Variants in SIRT4 observed in about 807,000 individuals in gnomAD.
SIRT4 encodes the protein NAD-dependent protein lipoamidase sirtuin-4, mitochondrial.
SIRT4 carries 23 observed loss-of-function variants against 26.1 expected under a neutral mutation model. The ratio of observed to expected loss-of-function variants is 0.88; its 90% CI spans 0.63 to 1.25. The LOEUF (loss-of-function observed/expected upper bound fraction) is 1.25. Ranked by LOEUF, SIRT4 falls within the 50% of genes most tolerant of loss-of-function variation. SIRT4 has a pLI of 0.00. For synonymous variants in SIRT4, 155 were observed against 158.4 expected (o/e 0.98, Z 0.16); for missense variants, 361 against 405.4 (o/e 0.89, Z 0.94).
At chr12:120,310,058 C>A (rs761342568) in intron 2 of SIRT4, among the ~76,000 whole-genome samples, 1 of 151,786 alleles carries the variant, frequency 6.6e-6, no homozygotes, top group Non-Finnish European at 1.5e-5. Context: ...GTTCTGACAC[C>A]CAGGCTAGAG....
rs1872701166 is a variant in SIRT4 at position 120,305,082 on chromosome 12, A to T, written c.497+1024A>T. Among the ~76,000 whole-genome samples the T allele has an allele frequency of 2.6e-5, 4 of 151,390 alleles. No homozygotes were observed. In the East Asian group the frequency reaches 7.8e-4, roughly 29 times the overall value. On this transcript the variant is annotated intron_variant, in intron 2 of 3. Coordinates refer to ENST00000202967, the MANE Select transcript of SIRT4 (RefSeq NM_012240.3). Reference sequence around the variant, plus strand: ...GGCAGGAGAATCGCTTGAACCTGGGAGGTAGAGGTTGCAGTGAGCTGAGAT... The same window carrying T: ...GGCAGGAGAATCGCTTGAACCTGGGTGGTAGAGGTTGCAGTGAGCTGAGAT...
At chr12:120,309,291 C>T (rs1161298568) in intron 2 of SIRT4, among the ~76,000 whole-genome samples, 2 of 152,100 alleles carry the variant, frequency 1.3e-5, no homozygotes, top group African/African-American at 4.8e-5. Context: ...CATATACCAT[C>T]ACCCAGATTC....
At chr12:120,295,632 T>A in the SIRT4 span, among the ~76,000 whole-genome samples, 1 of 151,698 alleles carries the variant, frequency 6.6e-6, no homozygotes, top group East Asian at 1.9e-4. Context: ...TCAAAAGGGT[T>A]TGGACACCTT....
rs201604619 is a variant in SIRT4, at chr12:120,304,014, G to A, written c.453G>A (p.Lys151=). ...AAAATGTGGATGCTTTGCACACCAA[G>A]GCGGGGAGTCGGCGCCTGACAGAGC... The part of the protein sequence containing the change: ...VTQNVDALHT[K]AGSRRLTELH... Residue 151 remains lysine, a synonymous_variant, in exon 2 of 4, where the codon AAG becomes AAA. Transcript: ENST00000202967. 352 of 1,612,908 alleles carry A rather than the reference G, an allele frequency of 2.2e-4. No individual in the cohort carries two copies. The Middle Eastern group carries it at 2.5e-3, about 11-fold the overall frequency.
chr12:120,292,058 C>A, the SIRT4 span, among the ~76,000 whole-genome samples: 1 of 152,218 alleles, frequency 6.6e-6, no homozygotes, highest in East Asian at 1.9e-4. Flanking sequence ...GTTGTTGGAA[C>A]ATCCCGTGTC....
At chr12:120,293,404 A>T in the SIRT4 span, among the ~76,000 whole-genome samples, 1 of 152,158 alleles carries the variant, frequency 6.6e-6, no homozygotes, top group Non-Finnish European at 1.5e-5. Flanking sequence ...ATCGTTGCTG[A>T]TTTCACTTAG....
intron 2 of SIRT4, among the ~76,000 whole-genome samples, chr12:120,309,393 C>A (rs1372093727): frequency 2.0e-5 from 3 of 151,230 alleles, no homozygotes; most frequent in Admixed American, 1.3e-4. Context: ...TGACATTTCA[C>A]AGGGGCCTTT....
chr12:120,297,154 C>T, the SIRT4 span, among the ~76,000 whole-genome samples: 424 of 151,972 alleles, frequency 2.8e-3, 2 homozygotes, highest in African/African-American at 9.7e-3. Context: ...ACCCGGTAGG[C>T]GGAGGTTGCA....
At chr12:120,292,995 T>C in the SIRT4 span, 1 of 152,080 alleles carries the variant, frequency 6.6e-6, no homozygotes, top group Admixed American at 6.6e-5. Flanking sequence ...TCCCCATCTC[T>C]CATTTAGAGA....
At position 120,312,648 on chromosome 12, in the gene SIRT4, T is replaced by C. The variant is rs755854473; in HGVS notation, c.690T>C (p.Asp230=). ...CVQCGGHLKP[D]VVFFGDTVNP... is the part of the protein sequence containing the mutation. The stretch of plus-strand genomic sequence containing the variant: ...AATGTGGAGGCCATCTGAAACCAGA[T>C]GTCGTTTTCTTCGGGGACACAGTGA... The change falls in exon 3 of 4, where the codon GAT becomes GAC. Residue 230 remains aspartate (D), a synonymous_variant. Transcript: ENST00000202967. The C allele has an allele frequency of 1.2e-6, 2 of 1,614,182 alleles. No individual in the cohort carries two copies. Among genetic ancestry groups the C allele is most frequent in the South Asian group, 1.1e-5 (1 of 91,088 alleles).
chr12:120,297,091 C>T, the SIRT4 span, among the ~76,000 whole-genome samples: 1 of 151,658 alleles, frequency 6.6e-6, no homozygotes, highest in Admixed American at 6.6e-5. Flanking sequence ...GGCATGGTGG[C>T]GGGCGCCTAT....
chr12:120,297,443 T>C (rs78535413), upstream of SIRT4, among the ~76,000 whole-genome samples: 30 of 148,968 alleles, frequency 2.0e-4, no homozygotes, highest in East Asian at 5.1e-3. Context: ...CATTACACTC[T>C]CTCAGTAGCT....
At chr12:120,295,231 T>TG in the SIRT4 span, among the ~76,000 whole-genome samples, 3 of 149,620 alleles carry the variant, frequency 2.0e-5, no homozygotes, top group Non-Finnish European at 3.0e-5. Flanking sequence ...TTTTTTTTTT[T>TG]GAGACTGAGT....
chr12:120,308,165 C>CTTTT (rs10707396), intron 2 of SIRT4, among the ~76,000 whole-genome samples: 2 of 85,006 alleles, frequency 2.4e-5, no homozygotes, highest in Non-Finnish European at 4.6e-5. Flanking sequence ...CCCAAGAAAG[C>CTTTT]TTTTTTTTTT....
At chr12:120,299,136 G>T (rs1310277200), upstream of SIRT4, among the ~76,000 whole-genome samples, 1 of 145,300 alleles carries the variant, frequency 6.9e-6, no homozygotes, top group African/African-American at 2.5e-5. Context: ...CAGGAGAATC[G>T]CGTGAACCCG....
intron 2 of SIRT4, among the ~76,000 whole-genome samples, chr12:120,310,795 G>C (rs942949600): frequency 1.3e-5 from 2 of 151,188 alleles, no homozygotes; most frequent in African/African-American, 4.9e-5. Flanking sequence ...GAGTGCAGTG[G>C]TGCTATCTCG....
intron 2 of SIRT4, among the ~76,000 whole-genome samples, chr12:120,309,267 G>T (rs1872862919): frequency 1.3e-5 from 2 of 152,006 alleles, no homozygotes; most frequent in African/African-American, 2.4e-5. Flanking sequence ...AAAGAGAATT[G>T]TATAATGAAT....
intron 2 of SIRT4, 76 bp from the exon 3 acceptor site, chr12:120,312,380 T>C: frequency 2.2e-6 from 3 of 1,385,010 alleles, no homozygotes; most frequent in Non-Finnish European, 3.0e-6. Context: ...CTGAAAATGG[T>C]TGGAGATGAA....
At chr12:120,307,214 G>C (rs1263853217) in intron 2 of SIRT4, among the ~76,000 whole-genome samples, 1 of 152,112 alleles carries the variant, frequency 6.6e-6, no homozygotes, top group Non-Finnish European at 1.5e-5. Flanking sequence ...GTATAGGCTG[G>C]GCTCAGTGGC....
Sources: gnomAD v4.1 joint callset for allele counts (sites outside exome capture counted in the v4.1 genomes callset) on GRCh38, gnomAD v4.1.1 for gene constraint, MANE v1.5 for transcripts, NCBI Gene and HGNC (gene_info 2026-07-23, HGNC 2026-07-21) for gene names.